The following SH3GL2 variants were observed in gnomAD, a reference collection of about 807,000 sequenced individuals.
SH3GL2 encodes the protein SH3 domain containing GRB2 like 2, endophilin A1, also known as endophilin-A1.
Under a neutral mutation model 46.0 loss-of-function variants are expected in SH3GL2, and 24 were observed. The ratio of observed to expected loss-of-function variants is 0.52; its 90% CI spans 0.38 to 0.73. The LOEUF (loss-of-function observed/expected upper bound fraction) is 0.73, where lower values mean the gene tolerates loss of function less well. Ranked by LOEUF, SH3GL2 falls within the 30% of genes least tolerant of loss-of-function variation. SH3GL2 has a pLI of 0.00. For synonymous variants in SH3GL2, 196 were observed against 147.1 expected, an observed-to-expected ratio of 1.33 and a Z score of -2.40; for missense variants, 413 against 424.2, an observed-to-expected ratio of 0.97 and a Z score of 0.23.
At chr9:17,614,037 A>G (rs2134586118) in intron 1 of SH3GL2, among the ~76,000 whole-genome samples, 1 of 152,034 alleles carries the variant, frequency 6.6e-6, no homozygotes, top group Non-Finnish European at 1.5e-5. Context: ...GGGTCCACTC[A>G]GTTATTTGGC....
At chr9:17,650,677 C>G (rs770955173) in intron 1 of SH3GL2, among the ~76,000 whole-genome samples, 84 of 152,144 alleles carry the variant, frequency 5.5e-4, no homozygotes, top group Non-Finnish European at 8.7e-4. Context: ...GTTTTTATGG[C>G]TGAAGCATAT....
At chr9:17,731,065 C>G (rs976788327) in intron 1 of SH3GL2, among the ~76,000 whole-genome samples, 12 of 152,118 alleles carry the variant, frequency 7.9e-5, no homozygotes, top group African/African-American at 2.9e-4. Context: ...TTCTGTGGTT[C>G]TGCAGATGAA....
chr9:17,737,755 T>G (rs1307922783), intron 1 of SH3GL2, among the ~76,000 whole-genome samples: 2 of 152,132 alleles, frequency 1.3e-5, no homozygotes, highest in Non-Finnish European at 2.9e-5. Context: ...CAGGGTTCCT[T>G]CCTTGACTCA....
At chr9:17,761,782 A>G (rs982866337) in intron 3 of SH3GL2, among the ~76,000 whole-genome samples, 1 of 152,234 alleles carries the variant, frequency 6.6e-6, no homozygotes, top group Non-Finnish European at 1.5e-5. Flanking sequence ...GACACATAAT[A>G]TCAGAGTAGC....
chr9:17,615,094 C>T (rs7466791), intron 1 of SH3GL2, among the ~76,000 whole-genome samples: 1 of 152,118 alleles, frequency 6.6e-6, no homozygotes, highest in Non-Finnish European at 1.5e-5. Context: ...CTGTGTGCTG[C>T]CTACTCCCAG....
At chr9:17,606,719 C>G (rs566882633) in intron 1 of SH3GL2, among the ~76,000 whole-genome samples, 1 of 152,190 alleles carries the variant, frequency 6.6e-6, no homozygotes, top group African/African-American at 2.4e-5. Flanking sequence ...TGTTTTCTTT[C>G]TCTTTGCTAA....
chr9:17,683,647 T>C (rs76588923), intron 1 of SH3GL2, among the ~76,000 whole-genome samples: 15,391 of 151,994 alleles, frequency 0.1, 996 homozygotes, highest in Admixed American at 0.19. Context: ...AACAAGAGAA[T>C]ACTTCCTCTC....
At chr9:17,731,386 A>G (rs1016790961) in intron 1 of SH3GL2, among the ~76,000 whole-genome samples, 2 of 150,896 alleles carry the variant, frequency 1.3e-5, no homozygotes, top group Non-Finnish European at 3.0e-5. Context: ...AAAGAAGAGG[A>G]AGAGGAAAAG....
chr9:17,636,330 G>A (rs1168619266), intron 1 of SH3GL2, among the ~76,000 whole-genome samples: 1 of 152,082 alleles, frequency 6.6e-6, no homozygotes, highest in Non-Finnish European at 1.5e-5. Context: ...CTAATAACCT[G>A]CCTGACCTGT....
chr9:17,672,560 C>G (rs1162438409), intron 1 of SH3GL2, among the ~76,000 whole-genome samples: 1 of 152,200 alleles, frequency 6.6e-6, no homozygotes, highest in East Asian at 1.9e-4. Context: ...ATGTGGGGAT[C>G]CTGATCTGTA....
In SH3GL2 at chr9:17,786,255, C is replaced by T. The variant is rs1273336359; in HGVS notation, c.188-126C>T. The T allele has an allele frequency of 7.6e-6, 6 of 793,312 alleles. No homozygotes were observed. The African/African-American group carries it at 8.7e-5, about 12-fold the overall frequency. 49.1% of individuals were successfully genotyped at this position (793,312 alleles called of 1,614,324 possible). ...CTGACGGAGAGAACACTGGAGCGTACTGAAGGTACACTTATCAGTAGCTGA... is the reference window on the plus strand; with the variant it reads ...CTGACGGAGAGAACACTGGAGCGTATTGAAGGTACACTTATCAGTAGCTGA... On this transcript the variant is annotated intron_variant, in intron 3 of 8. Coordinates refer to ENST00000380607, the MANE Select transcript of SH3GL2 (RefSeq NM_003026.5).
intron 1 of SH3GL2, among the ~76,000 whole-genome samples, chr9:17,743,191 G>A (rs1328497411): frequency 6.6e-6 from 1 of 152,108 alleles, no homozygotes; most frequent in Admixed American, 6.5e-5. Context: ...AAGAAAAAAT[G>A]TTTGCCATAC....
chr9:17,646,642 C>G (rs541414815), intron 1 of SH3GL2, among the ~76,000 whole-genome samples: 1 of 152,108 alleles, frequency 6.6e-6, no homozygotes, highest in Non-Finnish European at 1.5e-5. Context: ...CTTCTGCAGG[C>G]CTGATGGAGT....
At chr9:17,768,094 G>C (rs887005579) in intron 3 of SH3GL2, among the ~76,000 whole-genome samples, 4 of 152,094 alleles carry the variant, frequency 2.6e-5, no homozygotes, top group Non-Finnish European at 5.9e-5. Flanking sequence ...AATCAGGGCT[G>C]GGCACAGTAG....
chr9:17,619,431 A>T (rs1426899209), intron 1 of SH3GL2, among the ~76,000 whole-genome samples: 1 of 152,202 alleles, frequency 6.6e-6, no homozygotes, highest in Non-Finnish European at 1.5e-5. Context: ...TAATCCCAGC[A>T]CTTTGGGAGG....
At chr9:17,768,388 A>C (rs1179213198) in intron 3 of SH3GL2, among the ~76,000 whole-genome samples, 1 of 151,804 alleles carries the variant, frequency 6.6e-6, no homozygotes, top group Admixed American at 6.6e-5. Flanking sequence ...AAAAAAAAAA[A>C]AAACACCAGA....
chr9:17,603,985 A>G (rs1818716197), intron 1 of SH3GL2, among the ~76,000 whole-genome samples: 1 of 152,222 alleles, frequency 6.6e-6, no homozygotes, highest in South Asian at 2.1e-4. Flanking sequence ...AAAAGTTAAA[A>G]AATAGAAAAA....
Position 17,739,792 on chromosome 9 carries a change from G to C in SH3GL2, c.46-7274G>C, listed in dbSNP as rs372591288. Among the ~76,000 whole-genome samples the C allele has an allele frequency of 1.2e-3, 181 of 152,224 alleles. 1 individual carries two copies. Among genetic ancestry groups the C allele is most frequent in the African/African-American group, 4.2e-3 (173 of 41,546 alleles). On this transcript the variant is annotated intron_variant, in intron 1 of 8. Transcript: ENST00000380607. ...ATAAATTTTTCCAACTCCTTTTGAAGGATGTTAAGTAATTTGCCCCATAGT... is the reference window on the plus strand; with the variant it reads ...ATAAATTTTTCCAACTCCTTTTGAACGATGTTAAGTAATTTGCCCCATAGT...
intron 1 of SH3GL2, among the ~76,000 whole-genome samples, chr9:17,656,516 A>G (rs1820081085): frequency 6.6e-6 from 1 of 152,106 alleles, no homozygotes; most frequent in Non-Finnish European, 1.5e-5. Flanking sequence ...GATCTGTTGC[A>G]TTTACAATAT....
Sources: allele counts gnomAD v4.1 joint callset (sites outside exome capture counted in the v4.1 genomes callset), GRCh38; gene constraint gnomAD v4.1.1; transcripts MANE v1.5; gene names NCBI Gene and HGNC (gene_info 2026-07-23, HGNC 2026-07-21).